The following ANKRD46 variants were observed in gnomAD, a reference collection of about 807,000 sequenced individuals.
ANKRD46 encodes ankyrin repeat domain 46, also known as ankyrin repeat domain-containing protein 46.
In ANKRD46, 13 loss-of-function variants were observed where a neutral mutation model predicts 19.8. The ratio of observed to expected loss-of-function variants is 0.66; its 90% CI spans 0.43 to 1.04. ANKRD46 has a LOEUF of 1.04. Among genes scored for constraint, ANKRD46 ranks in the 50% least tolerant of loss-of-function variants. ANKRD46 has a pLI of 0.00. For synonymous variants in ANKRD46, 91 were observed against 106.9 expected, an observed-to-expected ratio of 0.85 and a Z score of 0.92; for missense variants, 185 against 274.8, an observed-to-expected ratio of 0.67 and a Z score of 2.31.
At position 100,524,726 on chromosome 8, in the gene ANKRD46, T is replaced by C. The variant is rs923242528; in HGVS notation, c.471-1955A>G. 5.3e-5 allele frequency among the ~76,000 whole-genome samples: 8 copies of C among 152,138 alleles called. No individual in the cohort carries two copies. Among genetic ancestry groups the C allele is most frequent in the African/African-American group, 1.9e-4 (8 of 41,424 alleles). On this transcript the variant is annotated intron_variant, in intron 4 of 4. Transcript: ENST00000335659. This position sits in a 1 kb window ranked among gnomAD's most constrained non-coding sequence, Gnocchi z 4.3. ...AAAATTTATTGATTACGAGTTGACA[T>C]GCCCTTATACATGTTAGGTATAAAA...
chr8:100,520,881 TA>T lies in ANKRD46; in HGVS notation c.*1673del. The T allele has an allele frequency of 1.0e-6, 1 of 983,800 alleles. No homozygotes were observed. Among genetic ancestry groups the T allele is most frequent in the Non-Finnish European group, 1.2e-6 (1 of 828,524 alleles). 60.9% of individuals were successfully genotyped at this position (983,800 alleles called of 1,614,324 possible). The stretch of plus-strand genomic sequence containing the variant: ...AGGAACCATTAATCTTTAAAAATGC[TA>T]TATACTTACATTTTGACCAATTTTG... On this transcript the variant is annotated 3_prime_UTR_variant, in exon 5 of 5. Transcript: ENST00000335659.
intron 5 of ANKRD46, among the ~76,000 whole-genome samples, chr8:100,514,765 A>G (rs10093762): frequency 0.5 from 75,466 of 151,370 alleles, 19,492 homozygotes; most frequent in Non-Finnish European, 0.58. Flanking sequence ...TCAGCCTCCC[A>G]AGTAGCTGGG....
Position 100,521,520 on chromosome 8 carries a change from C to G in ANKRD46, c.*1035G>C, listed in dbSNP as rs1364968409. 1 of 985,290 alleles carries G rather than the reference C, an allele frequency of 1.0e-6. No homozygotes were observed. The highest frequency in any genetic ancestry group is 1.2e-6 in the Non-Finnish European group (1 of 829,920). 61.0% of individuals were successfully genotyped at this position (985,290 alleles called of 1,614,324 possible). ...CCATTCATAAAGAGTTTATGACACC[C>G]AGTACGATACTGTCCAGCACTGTTA... On this transcript the variant is annotated 3_prime_UTR_variant, in exon 5 of 5. Transcript: ENST00000335659.
downstream of ANKRD46, among the ~76,000 whole-genome samples, chr8:100,515,936 A>AT (rs1258491191): frequency 6.7e-6 from 1 of 149,724 alleles, no homozygotes; most frequent in Non-Finnish European, 1.5e-5. Flanking sequence ...CAATGGCATG[A>AT]TCTCAGCTCA....
In ANKRD46 at chr8:100,550,873, A is replaced by G. The variant is rs958502468; in HGVS notation, c.-131+8838T>C. 1.3e-5 allele frequency: 7 copies of G among 521,288 alleles called. No individual in the cohort carries two copies. The highest frequency in any genetic ancestry group is 1.8e-5 in the Non-Finnish European group (5 of 275,554). The allele number at this position is 521,288 out of a possible 1,614,324, so 32.3% of individuals were successfully genotyped here. ...GAGTGAGTGTCACTGTTAAAGTCAG[A>G]GGAAACAACCTGGTGTTCAGTGTAG... On this transcript the variant is annotated intron_variant, in intron 1 of 4. Coordinates refer to ENST00000335659, the MANE Select transcript of ANKRD46 (RefSeq NM_001270377.2). This position sits in a 1 kb window ranked among gnomAD's most constrained non-coding sequence, Gnocchi z 4.4.
intron 5 of ANKRD46, among the ~76,000 whole-genome samples, chr8:100,513,244 G>A (rs879404291): frequency 6.6e-6 from 1 of 152,126 alleles, no homozygotes; most frequent in Non-Finnish European, 1.5e-5. Flanking sequence ...CACCATGGAC[G>A]GCATAATAGT....
At chr8:100,551,826 G>A (rs948686179) in intron 1 of ANKRD46, 2 of 385,104 alleles carry the variant, frequency 5.2e-6, no homozygotes, top group Non-Finnish European at 9.8e-6. Context: ...TGTGTATTTT[G>A]GATAACAGTC....
Position 100,529,703 on chromosome 8 carries a change from C to T in ANKRD46, c.131G>A (p.Arg44Lys), listed in dbSNP as rs1014683367. The T allele has an allele frequency of 3.1e-6, 5 of 1,614,136 alleles. No individual in the cohort carries two copies. The highest frequency in any genetic ancestry group is 4.2e-6 in the Non-Finnish European group (5 of 1,180,058). ...SGFDPNIRDS[R>K]GRTGLHLAAA... ...TGCAAGGTGAAGGCCTGTTCTGCCC[C>T]TGCTGTCACGAATATTTGGGTCAAA... is the stretch of plus-strand genomic sequence containing the variant. The change falls in exon 3 of 5, where the codon AGG (arginine) becomes AAG (lysine). Residue 44 changes from arginine to lysine, a missense_variant. By Grantham distance (26) the Arg-to-Lys change is conservative. Coordinates refer to ENST00000335659, the MANE Select transcript of ANKRD46 (RefSeq NM_001270377.2). This position sits in a 1 kb window ranked among gnomAD's most constrained non-coding sequence, Gnocchi z 5.8.
chr8:100,530,892 C>A (rs978278202), intron 2 of ANKRD46, among the ~76,000 whole-genome samples: 2 of 152,122 alleles, frequency 1.3e-5, no homozygotes, highest in Non-Finnish European at 1.5e-5. Context: ...TCTGGGAATA[C>A]CAAGTCAGGA....
In ANKRD46 at chr8:100,557,568, C is replaced by T. The variant is rs1434846963; in HGVS notation, c.-131+2143G>A. On this transcript the variant is annotated intron_variant, in intron 1 of 4. Coordinates refer to ENST00000335659, the MANE Select transcript of ANKRD46 (RefSeq NM_001270377.2). This position sits in a 1 kb window ranked among gnomAD's most constrained non-coding sequence, Gnocchi z 5.9. Reference sequence around the variant, plus strand: ...AGCCAGATCCCCTCATTCCTCTGCTCAAAACCCTCCAAACACCTCCCTTCT... The same window carrying T: ...AGCCAGATCCCCTCATTCCTCTGCTTAAAACCCTCCAAACACCTCCCTTCT... Among the ~76,000 whole-genome samples, 1 of 152,298 alleles carries T rather than the reference C, an allele frequency of 6.6e-6. No individual in the cohort carries two copies. The highest frequency in any genetic ancestry group is 1.9e-4 in the East Asian group (1 of 5,188).
In ANKRD46 at chr8:100,543,864, T is replaced by C. The variant is rs917069101; in HGVS notation, c.-130-10553A>G. Among the ~76,000 whole-genome samples, 1 of 152,334 alleles carries C rather than the reference T, an allele frequency of 6.6e-6. No individual in the cohort carries two copies. Among genetic ancestry groups the C allele is most frequent in the Admixed American group, 6.5e-5 (1 of 15,298 alleles). On this transcript the variant is annotated intron_variant, in intron 1 of 4. Coordinates refer to ENST00000335659, the MANE Select transcript of ANKRD46 (RefSeq NM_001270377.2). The surrounding 1 kb of genome is among the most constrained non-coding windows in gnomAD (Gnocchi z 4.2). ...CTATTCCAAATACATCTAAATATTT[T>C]TATTCAAATAGTGTCCTTTCATACC...
intron 5 of ANKRD46, among the ~76,000 whole-genome samples, chr8:100,513,472 G>C (rs1811581587): frequency 6.6e-6 from 1 of 152,148 alleles, no homozygotes. Context: ...CCTATTATTT[G>C]TTTTAAACAT....
chr8:100,539,535 T>G (rs974878266), intron 1 of ANKRD46, among the ~76,000 whole-genome samples: 17 of 152,256 alleles, frequency 1.1e-4, no homozygotes, highest in African/African-American at 2.9e-4. Context: ...TTTAGGCAGA[T>G]GTAGCTCTAC....
chr8:100,551,826 G>T lies in ANKRD46; in HGVS notation c.-131+7885C>A, dbSNP rs948686179. 1.8e-5 allele frequency: 7 copies of T among 385,104 alleles called. No individual in the cohort carries two copies. The East Asian group carries it at 1.8e-4, about 10-fold the overall frequency. 23.9% of individuals were successfully genotyped at this position (385,104 alleles called of 1,614,324 possible). ...GTTTTAAGAGTTCTTTGTGTATTTT[G>T]GATAACAGTCTTCATCATATATGTC... On this transcript the variant is annotated intron_variant, in intron 1 of 4. Transcript: ENST00000335659.
At chr8:100,518,650 G>C (rs2130634052), downstream of ANKRD46, among the ~76,000 whole-genome samples, 1 of 152,220 alleles carries the variant, frequency 6.6e-6, no homozygotes, top group African/African-American at 2.4e-5. Context: ...AGGAGATCGA[G>C]ACCATCCTGG....
chr8:100,513,271 GGAGTGA>G (rs1279767229), intron 5 of ANKRD46, among the ~76,000 whole-genome samples: 66 of 152,278 alleles, frequency 4.3e-4, no homozygotes, highest in African/African-American at 1.6e-3. Context: ...CAAAATCACT[GGAGTGA>G]GTTAGGCAGA....
At chr8:100,535,727 TG>T (rs1216924676) in intron 1 of ANKRD46, among the ~76,000 whole-genome samples, 1 of 152,216 alleles carries the variant, frequency 6.6e-6, no homozygotes, top group Non-Finnish European at 1.5e-5. Flanking sequence ...GGTAGCTGTG[TG>T]TATCCATAGT....
chr8:100,545,514 A>C lies in ANKRD46; in HGVS notation c.-130-12203T>G, dbSNP rs917926841. ...TAAGTTCCTTGAAGCCTCCCCAGCC[A>C]TGTGGAACTGTGTATCAATTAAACC... On this transcript the variant is annotated intron_variant, in intron 1 of 4. Coordinates refer to ENST00000335659, the MANE Select transcript of ANKRD46 (RefSeq NM_001270377.2). This position sits in a 1 kb window ranked among gnomAD's most constrained non-coding sequence, Gnocchi z 4.7. Among the ~76,000 whole-genome samples, 1 of 152,176 alleles carries C rather than the reference A, an allele frequency of 6.6e-6. No individual in the cohort carries two copies. Among genetic ancestry groups the C allele is most frequent in the Non-Finnish European group, 1.5e-5 (1 of 68,024 alleles).
Position 100,530,000 on chromosome 8 carries a change from G to T in ANKRD46, c.-27-140C>A. ...ATGACCAAACAGAAACAACAACAAA[G>T]TTATCAATTGTATTTTATTTTCCAT... is the stretch of plus-strand genomic sequence containing the variant. On this transcript the variant is annotated intron_variant, in intron 2 of 4. Coordinates refer to ENST00000335659, the MANE Select transcript of ANKRD46 (RefSeq NM_001270377.2). The surrounding 1 kb of genome is among the most constrained non-coding windows in gnomAD (Gnocchi z 5.8). The T allele has an allele frequency of 1.6e-5, 9 of 575,622 alleles. No individual in the cohort carries two copies. The highest frequency in any genetic ancestry group is 6.8e-5 in the Admixed American group (2 of 29,212). 35.7% of individuals were successfully genotyped at this position (575,622 alleles called of 1,614,324 possible).
Sources: allele counts gnomAD v4.1 joint callset (sites outside exome capture counted in the v4.1 genomes callset), GRCh38; gene constraint gnomAD v4.1.1; non-coding constraint Gnocchi (gnomAD v3.1); transcripts MANE v1.5; gene names NCBI Gene and HGNC (gene_info 2026-07-23, HGNC 2026-07-21).